Variants in ARFGEF2 observed in about 807,000 individuals in gnomAD.
ARFGEF2 encodes ARF guanine nucleotide exchange factor 2.
In ARFGEF2, 74 loss-of-function variants were observed where a neutral mutation model predicts 219.9. The observed-to-expected ratio is 0.34, with a 90% CI of 0.28 to 0.41. The LOEUF is 0.41. Among genes scored for constraint, ARFGEF2 ranks in the 10% least tolerant of loss-of-function variants. The pLI, the probability that ARFGEF2 is intolerant of heterozygous loss-of-function variation, is 1.00. For missense variants in ARFGEF2, 1,743 were observed against 2,218.3 expected (o/e 0.79, Z 4.30); for synonymous variants, 733 against 799.2 (o/e 0.92, Z 1.40).
chr20:49,015,238 C>G (rs2091522722), intron 30 of ARFGEF2, among the ~76,000 whole-genome samples: 1 of 152,032 alleles, frequency 6.6e-6, no homozygotes. Flanking sequence ...CTCAGCCTCC[C>G]AAGTAGCTGG....
At chr20:48,929,073 GC>G (rs2090897458) in intron 1 of ARFGEF2, among the ~76,000 whole-genome samples, 1 of 152,220 alleles carries the variant, frequency 6.6e-6, no homozygotes, top group Non-Finnish European at 1.5e-5. Flanking sequence ...ATAGCTCAGA[GC>G]TGTGTTTAGC....
intron 1 of ARFGEF2, among the ~76,000 whole-genome samples, chr20:48,936,907 G>T (rs1322279270): frequency 6.6e-6 from 1 of 152,080 alleles, no homozygotes; most frequent in African/African-American, 2.4e-5. Context: ...CTTCTTTTGA[G>T]AAGTGTCTGT....
chr20:49,010,228 T>C lies in ARFGEF2; in HGVS notation c.3585-4T>C. On this transcript the variant is annotated splice_polypyrimidine_tract_variant and splice_region_variant and intron_variant, in intron 26 of 38. Coordinates refer to ENST00000371917, the MANE Select transcript of ARFGEF2 (RefSeq NM_006420.3). ...ACGATATGGCCGTCCCATTCTTTCC[T>C]CAGGTCTCCCACCATCCGGGACATG... 6.2e-7 allele frequency: 1 copy of C among 1,612,530 alleles called. No homozygotes were observed. The highest frequency in any genetic ancestry group is 8.5e-7 in the Non-Finnish European group (1 of 1,178,706).
intron 14 of ARFGEF2, among the ~76,000 whole-genome samples, chr20:48,983,209 A>G (rs1488467462): frequency 6.6e-6 from 1 of 152,170 alleles, no homozygotes; most frequent in Non-Finnish European, 1.5e-5. Flanking sequence ...TGAGACCTTA[A>G]CTGAATCTCT....
At chr20:48,973,978 G>T (rs949985935) in intron 12 of ARFGEF2, among the ~76,000 whole-genome samples, 1 of 151,974 alleles carries the variant, frequency 6.6e-6, no homozygotes, top group Non-Finnish European at 1.5e-5. Flanking sequence ...TTACTTAAAG[G>T]GTGAGCCTTA....
At position 49,028,584 on chromosome 20, in the gene ARFGEF2, C is replaced by T. The variant is rs770627875; in HGVS notation, c.4979C>T (p.Ala1660Val). The T allele has an allele frequency of 4.3e-6, 7 of 1,614,148 alleles. No homozygotes were observed. Among genetic ancestry groups the T allele is most frequent in the Non-Finnish European group, 5.9e-6 (7 of 1,180,008 alleles). Reference protein sequence around the residue: ...NLLKQETSSLACCLRILFRMY... With the variant: ...NLLKQETSSLVCCLRILFRMY... ...CTAAAACAAGAAACCAGCAGCCTGGCCTGTTGTTTGAGGATCCTGTTTCGA... is the reference window on the plus strand; with the variant it reads ...CTAAAACAAGAAACCAGCAGCCTGGTCTGTTGTTTGAGGATCCTGTTTCGA... The change falls in exon 37 of 39, where the codon GCC (alanine) becomes GTC (valine). Residue 1660 changes from alanine (A) to valine (V), a missense_variant. By Grantham distance (64) the Ala-to-Val change is moderately conservative (BLOSUM62 0). Transcript: ENST00000371917.
intron 25 of ARFGEF2, among the ~76,000 whole-genome samples, chr20:49,002,307 A>T (rs1402688590): frequency 6.6e-6 from 1 of 152,228 alleles, no homozygotes; most frequent in Non-Finnish European, 1.5e-5. Context: ...TGTGCGGTTC[A>T]GTAGTGTTAG....
In ARFGEF2 at chr20:48,995,901, A is replaced by G. The variant is rs754386226; in HGVS notation, c.3221+19A>G. On this transcript the variant is annotated intron_variant, in intron 23 of 38. Transcript: ENST00000371917. ...TGGACAGGTAATGATTTTATTCTTC[A>G]GTGACCCTGAACTACACAGTGGTTT... 3 of 1,609,280 alleles carry G rather than the reference A, an allele frequency of 1.9e-6. No individual in the cohort carries two copies. The highest frequency in any genetic ancestry group is 2.6e-6 in the Non-Finnish European group (3 of 1,175,696).
intron 3 of ARFGEF2, among the ~76,000 whole-genome samples, chr20:48,950,810 AAATATATATATATATATAT>A (rs1161474715): frequency 0.021 from 866 of 41,112 alleles, 20 homozygotes; most frequent in African/African-American, 0.12. Flanking sequence ...AAAAAAAAAA[AAATATATATATATATATAT>A]ATATATATAT....
intron 1 of ARFGEF2, among the ~76,000 whole-genome samples, chr20:48,936,616 C>T (rs922403753): frequency 7.9e-5 from 12 of 152,180 alleles, no homozygotes; most frequent in Non-Finnish European, 1.5e-4. Flanking sequence ...CCTTTGCCTC[C>T]AGGGTTCAAG....
intron 1 of ARFGEF2, among the ~76,000 whole-genome samples, chr20:48,930,974 A>G (rs916756081): frequency 6.6e-6 from 1 of 152,188 alleles, no homozygotes; most frequent in Admixed American, 6.5e-5. Flanking sequence ...AAGTCGAGAA[A>G]ATTTGAGAGT....
At chr20:49,028,724 A>G (rs2123576270) in intron 37 of ARFGEF2, 56 bp downstream of exon 37, 1 of 1,563,458 alleles carries the variant, frequency 6.4e-7, no homozygotes, top group East Asian at 2.3e-5. Flanking sequence ...AATGCATCAC[A>G]GCAATACTGT....
intron 1 of ARFGEF2, among the ~76,000 whole-genome samples, chr20:48,938,165 G>C (rs886244291): frequency 2.6e-5 from 4 of 152,114 alleles, no homozygotes; most frequent in Admixed American, 2.0e-4. Context: ...ATTTATAATG[G>C]AGTTTGGCCT....
chr20:48,961,263 T>C (rs192976396), intron 6 of ARFGEF2, among the ~76,000 whole-genome samples: 2 of 152,048 alleles, frequency 1.3e-5, no homozygotes, highest in African/African-American at 4.8e-5. Context: ...TTTATATTCT[T>C]ATTCTATACT....
intron 34 of ARFGEF2, among the ~76,000 whole-genome samples, chr20:49,022,430 A>AAC (rs1555815819): frequency 3.6e-5 from 5 of 140,490 alleles, no homozygotes; most frequent in Non-Finnish European, 8.0e-5. Flanking sequence ...CAACAACAAC[A>AAC]AAAAAAAAAA....
chr20:48,980,692 A>G (rs1191252398), intron 14 of ARFGEF2, among the ~76,000 whole-genome samples: 1 of 152,136 alleles, frequency 6.6e-6, no homozygotes, highest in African/African-American at 2.4e-5. Flanking sequence ...TATATTTAGG[A>G]TAGTTAGCTC....
intron 14 of ARFGEF2, among the ~76,000 whole-genome samples, chr20:48,981,112 C>A (rs1425625399): frequency 1.3e-5 from 2 of 152,206 alleles, no homozygotes; most frequent in African/African-American, 2.4e-5. Context: ...TTTGCAGTGG[C>A]TTGTACCAGT....
chr20:49,001,282 T>C (rs560792582), intron 25 of ARFGEF2, among the ~76,000 whole-genome samples: 18 of 152,204 alleles, frequency 1.2e-4, no homozygotes, highest in African/African-American at 4.3e-4. Flanking sequence ...TCGGGTGATC[T>C]GCTCGCCTCA....
intron 6 of ARFGEF2, among the ~76,000 whole-genome samples, chr20:48,962,530 G>A (rs1030003944): frequency 1.3e-5 from 2 of 152,176 alleles, no homozygotes; most frequent in East Asian, 1.9e-4. Flanking sequence ...TGTGGCAAAA[G>A]CCATGAAGGT....
Sources: allele counts gnomAD v4.1 joint callset (sites outside exome capture counted in the v4.1 genomes callset), GRCh38; gene constraint gnomAD v4.1.1; transcripts MANE v1.5; gene names NCBI Gene and HGNC (gene_info 2026-07-23, HGNC 2026-07-21).